RNFT2: variants seen among roughly 807,000 people sequenced by gnomAD.
RNFT2 encodes ring finger protein, transmembrane 2.
In RNFT2, 36 loss-of-function variants were observed where a neutral mutation model predicts 53.0. That is an observed-to-expected ratio of 0.68 (90% CI 0.52 to 0.90). RNFT2 has a LOEUF of 0.90. RNFT2 is among the 40% of genes least tolerant of loss of function. The pLI is 0.00. For synonymous variants in RNFT2, 260 were observed against 253.2 expected (o/e 1.03, Z -0.26); for missense variants, 514 against 585.6 (o/e 0.88, Z 1.26).
At chr12:116,799,701 C>T (rs57033312) in intron 7 of RNFT2, among the ~76,000 whole-genome samples, 7,992 of 152,010 alleles carry the variant, frequency 0.053, 479 homozygotes, top group East Asian at 0.14. Flanking sequence ...TTGGTAGAGA[C>T]GGGGTTTCAC....
At chr12:116,792,364 G>T (rs1353782071) in intron 7 of RNFT2, among the ~76,000 whole-genome samples, 1 of 151,630 alleles carries the variant, frequency 6.6e-6, no homozygotes, top group East Asian at 1.9e-4. Context: ...AAATTTCTGA[G>T]AATTAATTTT....
chr12:116,845,595 A>G (rs529924478), intron 10 of RNFT2, among the ~76,000 whole-genome samples: 1 of 152,240 alleles, frequency 6.6e-6, no homozygotes, highest in South Asian at 2.1e-4. Context: ...GTTGAAGGTC[A>G]TGTGGCACGT....
intron 7 of RNFT2, among the ~76,000 whole-genome samples, chr12:116,817,249 G>A (rs1875734293): frequency 6.6e-6 from 1 of 152,188 alleles, no homozygotes; most frequent in Non-Finnish European, 1.5e-5. Context: ...CTGACCTCAA[G>A]TGATTTGCCC....
intron 7 of RNFT2, among the ~76,000 whole-genome samples, chr12:116,806,360 A>T (rs964086990): frequency 1.8e-5 from 1 of 55,266 alleles, no homozygotes; most frequent in African/African-American, 5.8e-5. Flanking sequence ...ACAGAGTGAG[A>T]CTGTCTCAAA....
At chr12:116,745,837 G>A (rs983091318) in intron 3 of RNFT2, among the ~76,000 whole-genome samples, 5 of 152,138 alleles carry the variant, frequency 3.3e-5, no homozygotes, top group East Asian at 3.9e-4. Flanking sequence ...GCATTGTGCC[G>A]GGTGGTAAAG....
chr12:116,808,831 G>C (rs924073), intron 7 of RNFT2, among the ~76,000 whole-genome samples: 9,170 of 151,992 alleles, frequency 0.06, 675 homozygotes, highest in African/African-American at 0.17. Flanking sequence ...CTTGCTCCCC[G>C]TCCTGTGCTC....
intron 5 of RNFT2, among the ~76,000 whole-genome samples, chr12:116,765,207 C>A (rs1236750715): frequency 6.6e-6 from 1 of 152,150 alleles, no homozygotes; most frequent in Non-Finnish European, 1.5e-5. Flanking sequence ...CTTCCTATTC[C>A]ACCTTTGGTT....
chr12:116,790,445 T>A (rs530231229), intron 7 of RNFT2, among the ~76,000 whole-genome samples: 1 of 152,182 alleles, frequency 6.6e-6, no homozygotes, highest in Non-Finnish European at 1.5e-5. Flanking sequence ...GCTGTTGATA[T>A]CTCTTTTCAC....
intron 7 of RNFT2, among the ~76,000 whole-genome samples, chr12:116,796,117 C>T (rs1874495086): frequency 6.6e-6 from 1 of 152,074 alleles, no homozygotes; most frequent in Non-Finnish European, 1.5e-5. Context: ...CCATTTTGGC[C>T]AGGGTAGTCT....
intron 3 of RNFT2, chr12:116,748,692 TG>T (rs1354445326): frequency 4.4e-6 from 2 of 452,170 alleles, no homozygotes; most frequent in Non-Finnish European, 8.9e-6. Context: ...TCTGGGGAAC[TG>T]GGGGCCATTG....
At chr12:116,789,456 G>GGATA (rs1874112968) in intron 7 of RNFT2, among the ~76,000 whole-genome samples, 3 of 149,814 alleles carry the variant, frequency 2.0e-5, no homozygotes, top group Non-Finnish European at 4.4e-5. Flanking sequence ...ATGGATGGAT[G>GGATA]GATGGATGGG....
chr12:116,798,093 G>A (rs1260697156), intron 7 of RNFT2, among the ~76,000 whole-genome samples: 2 of 152,058 alleles, frequency 1.3e-5, no homozygotes, highest in Admixed American at 1.3e-4. Context: ...TGGTCCAATA[G>A]GACTGGTGTC....
chr12:116,790,958 C>T (rs1202252557), intron 7 of RNFT2, among the ~76,000 whole-genome samples: 1 of 152,086 alleles, frequency 6.6e-6, no homozygotes, highest in Non-Finnish European at 1.5e-5. Context: ...GAGACCCTGT[C>T]TGAAAAAAAT....
intron 7 of RNFT2, among the ~76,000 whole-genome samples, chr12:116,800,404 G>A (rs376040992): frequency 4.0e-5 from 6 of 151,552 alleles, no homozygotes; most frequent in Non-Finnish European, 7.4e-5. Context: ...AGGCTGAAGC[G>A]GGCAGATCAC....
At chr12:116,794,676 G>GAGGGAGGGAGGGAGGA (rs1874414607) in intron 7 of RNFT2, among the ~76,000 whole-genome samples, 1 of 36,692 alleles carries the variant, frequency 2.7e-5, no homozygotes, top group Admixed American at 3.3e-4. Context: ...GGAAGGAAGG[G>GAGGGAGGGAGGGAGGA]AGGGAGGGAG....
intron 7 of RNFT2, among the ~76,000 whole-genome samples, chr12:116,824,631 CT>C (rs1286932903): frequency 6.6e-6 from 1 of 152,160 alleles, no homozygotes; most frequent in African/African-American, 2.4e-5. Flanking sequence ...AAGGTGAAAG[CT>C]TCTCTGAAGT....
chr12:116,821,630 A>G (rs1330533247), intron 7 of RNFT2, among the ~76,000 whole-genome samples: 1 of 152,136 alleles, frequency 6.6e-6, no homozygotes, highest in Non-Finnish European at 1.5e-5. Context: ...GCAAGCAAGG[A>G]AAAGTCTCGC....
Position 116,851,812 on chromosome 12 carries a change from G to A in RNFT2, c.*2364G>A. 9.4e-7 allele frequency: 1 copy of A among 1,063,040 alleles called. No homozygotes were observed. The highest frequency in any genetic ancestry group is 1.4e-6 in the Non-Finnish European group (1 of 714,774). 65.9% of individuals were successfully genotyped at this position (1,063,040 alleles called of 1,614,324 possible). ...GAAGGAAGGAAAGAAAGAAAGGTCAGCTTTGGCCCAGATGTGGTTACCCCT... is the reference window on the plus strand; with the variant it reads ...GAAGGAAGGAAAGAAAGAAAGGTCAACTTTGGCCCAGATGTGGTTACCCCT... On this transcript the variant is annotated 3_prime_UTR_variant, in exon 11 of 11. Transcript: ENST00000257575.
intron 3 of RNFT2, among the ~76,000 whole-genome samples, chr12:116,746,887 G>A (rs1871922049): frequency 6.6e-6 from 1 of 152,118 alleles, no homozygotes; most frequent in Non-Finnish European, 1.5e-5. Context: ...ATATTCATGG[G>A]GGAATTGGTT....
Sources: gnomAD v4.1 joint callset for allele counts (sites outside exome capture counted in the v4.1 genomes callset) on GRCh38, gnomAD v4.1.1 for gene constraint, MANE v1.5 for transcripts, NCBI Gene and HGNC (gene_info 2026-07-23, HGNC 2026-07-21) for gene names.